The following TTC6 variants were observed in gnomAD, a reference collection of about 807,000 sequenced individuals.
The protein encoded by TTC6 is tetratricopeptide repeat domain 6.
A neutral mutation model predicts 210.4 loss-of-function variants in TTC6; 172 were observed. The observed-to-expected ratio is 0.82, with a 90% CI of 0.72 to 0.93. TTC6 has a LOEUF of 0.93. Among genes scored for constraint, TTC6 ranks in the 40% least tolerant of loss-of-function variants. The pLI, the probability that TTC6 is intolerant of heterozygous loss-of-function variation, is 0.00. For synonymous variants in TTC6, 804 were observed against 819.6 expected (o/e 0.98, Z 0.32); for missense variants, 2,414 against 2,318.1 (o/e 1.04, Z -0.85).
At chr14:37,807,274 T>C in intron 22 of TTC6, 46 bp from the exon 25 acceptor site, 1 of 1,422,404 alleles carries the variant, frequency 7.0e-7, no homozygotes, top group Middle Eastern at 1.9e-4. Context: ...AATTGGTGCT[T>C]TTACTAAAGC....
At chr14:37,604,362 G>A (rs1411464681) in intron 1 of TTC6, among the ~76,000 whole-genome samples, 1 of 152,196 alleles carries the variant, frequency 6.6e-6, no homozygotes, top group African/African-American at 2.4e-5. Flanking sequence ...GGGGTAAGGT[G>A]GTTCAAGGGG....
At position 37,793,372 on chromosome 14, in the gene TTC6, A is replaced by G. The variant is rs547039606; in HGVS notation, c.3708+958A>G. ...AAAAAACAAAAAAACAAAAAACCCAAAAACCAAACCTTCAAAATTACTGTA... is the reference window on the plus strand; with the variant it reads ...AAAAAACAAAAAAACAAAAAACCCAGAAACCAAACCTTCAAAATTACTGTA... On this transcript the variant is annotated intron_variant, in intron 17 of 30. Coordinates refer to ENST00000553443, the Ensembl canonical transcript of TTC6. 2.7e-4 allele frequency among the ~76,000 whole-genome samples: 41 copies of G among 152,342 alleles called. 1 individual carries two copies. The highest frequency in any genetic ancestry group is 2.6e-4 in the Non-Finnish European group (18 of 68,016).
At chr14:37,777,744 C>T (rs936649623) in intron 14 of TTC6, among the ~76,000 whole-genome samples, 8 of 140,736 alleles carry the variant, frequency 5.7e-5, no homozygotes, top group Non-Finnish European at 1.2e-4. Context: ...TTCCTTCAGT[C>T]TTTGAAATTT....
exon 14 of TTC6, chr14:37,753,174 T>G (rs1293466094): frequency 2.0e-6 from 3 of 1,535,482 alleles, no homozygotes; most frequent in Non-Finnish European, 2.6e-6. Context: ...TGAAAACTGG[T>G]TTGCAGCCAT....
intron 5 of TTC6, among the ~76,000 whole-genome samples, chr14:37,702,817 C>T (rs1472257528): frequency 6.6e-6 from 1 of 152,020 alleles, no homozygotes; most frequent in Admixed American, 6.6e-5. Context: ...TTAAAAATTA[C>T]CTGGTTTCCC....
chr14:37,685,456 A>G (rs2138578093), intron 3 of TTC6, among the ~76,000 whole-genome samples: 1 of 152,298 alleles, frequency 6.6e-6, no homozygotes, highest in Middle Eastern at 3.4e-3. Context: ...GTTTTGGAGC[A>G]AAGAGAGGGG....
At chr14:37,701,906 A>C (rs745743168) in intron 5 of TTC6, among the ~76,000 whole-genome samples, 2 of 152,132 alleles carry the variant, frequency 1.3e-5, no homozygotes, top group Non-Finnish European at 2.9e-5. Flanking sequence ...CAGTCTTTTG[A>C]ACTAGATTTC....
upstream of TTC6, among the ~76,000 whole-genome samples, chr14:37,621,570 C>G (rs2095651151): frequency 6.6e-6 from 1 of 152,162 alleles, no homozygotes; most frequent in Non-Finnish European, 1.5e-5. Flanking sequence ...GATCATGCCA[C>G]TGTACTCCAG....
intron 7 of TTC6, among the ~76,000 whole-genome samples, chr14:37,725,673 A>G (rs2095871743): frequency 6.6e-6 from 1 of 151,960 alleles, no homozygotes; most frequent in African/African-American, 2.4e-5. Context: ...TTATGTATGT[A>G]TATTTAAAAA....
intron 26 of TTC6, among the ~76,000 whole-genome samples, chr14:37,823,017 A>T (rs991343304): frequency 7.9e-5 from 12 of 152,312 alleles, no homozygotes; most frequent in Admixed American, 7.2e-4. Context: ...ATTTTCAAAA[A>T]TCCTAGACTC....
intron 1 of TTC6, among the ~76,000 whole-genome samples, chr14:37,602,618 C>G (rs7151988): frequency 6.6e-6 from 1 of 152,134 alleles, no homozygotes; most frequent in African/African-American, 2.4e-5. Flanking sequence ...ACTGTCCCAC[C>G]GGGTGGATGA....
rs139865940 is a variant in TTC6, at chr14:37,768,540, C to G, written c.3266+15305C>G. ...ACTTCCCTTGTAAGTTGGATTCCTA[C>G]GTATTTTATTCTCCTTGAAGCAATT... On this transcript the variant is annotated intron_variant, in intron 14 of 30. Coordinates refer to ENST00000553443, the Ensembl canonical transcript of TTC6. Among the ~76,000 whole-genome samples the G allele has an allele frequency of 3.4e-4, 51 of 152,138 alleles. 1 individual carries two copies. In the Middle Eastern group the frequency reaches 0.01, roughly 30 times the overall value.
chr14:37,838,699 T>C (rs1595341051), intron 29 of TTC6, among the ~76,000 whole-genome samples: 1 of 152,310 alleles, frequency 6.6e-6, no homozygotes, highest in Non-Finnish European at 1.5e-5. Context: ...TTAAAAAGTA[T>C]ACTTTAAGTT....
chr14:37,751,054 G>A, exon 13 of TTC6: 1 of 1,514,884 alleles, frequency 6.6e-7, no homozygotes, highest in South Asian at 1.3e-5. Flanking sequence ...TTTCTTTAGA[G>A]GCATATTTGT....
At chr14:37,694,738 A>G (rs2095811358) in intron 3 of TTC6, among the ~76,000 whole-genome samples, 1 of 152,138 alleles carries the variant, frequency 6.6e-6, no homozygotes, top group Non-Finnish European at 1.5e-5. Context: ...ATGGAATACT[A>G]TTCAGCCATG....
intron 14 of TTC6, among the ~76,000 whole-genome samples, chr14:37,773,196 C>T (rs8014429): frequency 1 from 152,308 of 152,318 alleles, 76,149 homozygotes; most frequent in Middle Eastern, 1. Context: ...TTTGCAAATA[C>T]TTTCTCCCAT....
At position 37,624,654 on chromosome 14, in the gene TTC6, C is replaced by G. The variant is rs1361475664; in HGVS notation, c.939+1651C>G. Among the ~76,000 whole-genome samples, 3 of 151,642 alleles carry G rather than the reference C, an allele frequency of 2.0e-5. No individual in the cohort carries two copies. The East Asian group carries it at 5.8e-4, about 29-fold the overall frequency. On this transcript the variant is annotated intron_variant, in intron 1 of 30. Transcript: ENST00000553443. The stretch of plus-strand genomic sequence containing the variant: ...TTCTTTTTTTTTTGACGGAGTTTTG[C>G]TCTGTCGCTCAGGCTGGAGTGCAGT...
At chr14:37,823,508 G>T (rs11628811) in intron 26 of TTC6, among the ~76,000 whole-genome samples, 50,054 of 152,030 alleles carry the variant, frequency 0.33, 9,573 homozygotes, top group Admixed American at 0.5. Flanking sequence ...ATCACATTCT[G>T]CTATGAAAAT....
exon 12 of TTC6, chr14:37,749,757 G>C: frequency 6.9e-7 from 1 of 1,456,368 alleles, no homozygotes; most frequent in Non-Finnish European, 9.0e-7. Context: ...TATTGGCATC[G>C]ACATTTAATT....
Sources: allele counts gnomAD v4.1 joint callset (sites outside exome capture counted in the v4.1 genomes callset), GRCh38; gene constraint gnomAD v4.1.1; transcripts MANE v1.5; gene names NCBI Gene and HGNC (gene_info 2026-07-23, HGNC 2026-07-21).